ETV6: variants seen among roughly 807,000 people sequenced by gnomAD.
The protein encoded by ETV6 is ETS variant transcription factor 6.
ETV6 carries 16 observed loss-of-function variants against 51.1 expected under a neutral mutation model. That is an observed-to-expected ratio of 0.31 (90% CI 0.21 to 0.48). ETV6 has a LOEUF of 0.48. Among genes scored for constraint, ETV6 ranks in the 20% least tolerant of loss-of-function variants. ETV6 has a pLI of 0.99. For missense variants in ETV6, 458 were observed against 594.8 expected, an observed-to-expected ratio of 0.77 and a Z score of 2.39; for synonymous variants, 240 against 224.1, an observed-to-expected ratio of 1.07 and a Z score of -0.64.
intron 2 of ETV6, among the ~76,000 whole-genome samples, chr12:11,800,761 GT>G (rs1177105378): frequency 6.6e-6 from 1 of 152,090 alleles, no homozygotes; most frequent in Non-Finnish European, 1.5e-5. Context: ...AGGGGGACCA[GT>G]TACTCCCCAG....
chr12:11,868,383 C>T (rs1946822349), intron 4 of ETV6, among the ~76,000 whole-genome samples: 1 of 149,828 alleles, frequency 6.7e-6, no homozygotes, highest in Non-Finnish European at 1.5e-5. Context: ...AGTGGTATCT[C>T]TTGGTTAGGA....
chr12:11,883,363 G>C (rs867625687), intron 5 of ETV6, among the ~76,000 whole-genome samples: 1 of 135,518 alleles, frequency 7.4e-6, no homozygotes, highest in South Asian at 2.4e-4. Flanking sequence ...GTGCGATCTC[G>C]ACTTACTGCA....
intron 2 of ETV6, among the ~76,000 whole-genome samples, chr12:11,834,316 T>G (rs1946284523): frequency 6.6e-6 from 1 of 152,174 alleles, no homozygotes. Flanking sequence ...AGGCTTCAGC[T>G]TCCATCTTTC....
rs1451610469 is a variant in ETV6, at chr12:11,883,297, T to C, written c.1010-1148T>C. 5.8e-4 allele frequency among the ~76,000 whole-genome samples: 77 copies of C among 133,156 alleles called. 4 individuals are homozygous for C. Among genetic ancestry groups the C allele is most frequent in the African/African-American group, 1.6e-3 (53 of 33,434 alleles). 87.4% of individuals were successfully genotyped at this position (133,156 alleles called of 152,430 possible). On this transcript the variant is annotated intron_variant, in intron 5 of 7. Transcript: ENST00000396373. ...TCTTCTTTTTTTTTTTTTTTTTTTT[T>C]TTTTTTTTTTTTTTGAGACTGAGTC...
intron 1 of ETV6, among the ~76,000 whole-genome samples, chr12:11,674,816 C>T (rs931091900): frequency 6.6e-6 from 1 of 152,044 alleles, no homozygotes; most frequent in Non-Finnish European, 1.5e-5. Flanking sequence ...TCTCTCACTG[C>T]CCCAGGAGCG....
At chr12:11,853,988 A>G (rs777016444) in intron 4 of ETV6, among the ~76,000 whole-genome samples, 2 of 152,208 alleles carry the variant, frequency 1.3e-5, no homozygotes, top group Non-Finnish European at 2.9e-5. Flanking sequence ...CAAGTGCATT[A>G]CATTTATTCT....
intron 1 of ETV6, among the ~76,000 whole-genome samples, chr12:11,745,779 T>C (rs1405871466): frequency 1.3e-5 from 2 of 152,216 alleles, no homozygotes; most frequent in African/African-American, 4.8e-5. Context: ...ACAAGGGAAA[T>C]GTCTTCCGTT....
chr12:11,678,697 A>G (rs1280495381), intron 1 of ETV6, among the ~76,000 whole-genome samples: 3 of 152,238 alleles, frequency 2.0e-5, no homozygotes, highest in Non-Finnish European at 4.4e-5. Context: ...GAGAAGTCCC[A>G]TGATCTGCCA....
intron 4 of ETV6, among the ~76,000 whole-genome samples, chr12:11,861,633 T>C (rs1946719448): frequency 6.6e-6 from 1 of 152,092 alleles, no homozygotes; most frequent in Admixed American, 6.5e-5. Flanking sequence ...TGAATGACTC[T>C]CACAAGACAG....
intron 2 of ETV6, among the ~76,000 whole-genome samples, chr12:11,836,972 A>G (rs1946325715): frequency 6.6e-6 from 1 of 152,158 alleles, no homozygotes; most frequent in Non-Finnish European, 1.5e-5. Context: ...ATAATAACAA[A>G]TCGCAGCGCC....
At chr12:11,870,389 G>T (rs147951791) in intron 5 of ETV6, among the ~76,000 whole-genome samples, 4 of 152,080 alleles carry the variant, frequency 2.6e-5, no homozygotes, top group Non-Finnish European at 5.9e-5. Context: ...GAGCGGTAAC[G>T]CCATGCAGCC....
Position 11,874,666 on chromosome 12 carries a change from A to ATG in ETV6, c.1009+4698_1009+4699insGT. ...TATATACACATATGTGTGTATATGT[A>ATG]TATATGTGTGTATATATGTATATGT... On this transcript the variant is annotated intron_variant, in intron 5 of 7. Transcript: ENST00000396373. Among the ~76,000 whole-genome samples, 48 of 8,236 alleles carry ATG rather than the reference A, an allele frequency of 5.8e-3. 22 individuals are homozygous for ATG. Among genetic ancestry groups the ATG allele is most frequent in the Middle Eastern group, 0.2 (2 of 10 alleles). The allele number at this position is 8,236 out of a possible 152,430, so 5.4% of individuals were successfully genotyped here. A position where few individuals can be genotyped will look rare whatever the true frequency, so the allele number is the denominator to read the frequency against.
At chr12:11,761,747 C>T (rs949331912) in intron 2 of ETV6, among the ~76,000 whole-genome samples, 8 of 152,210 alleles carry the variant, frequency 5.3e-5, no homozygotes, top group Non-Finnish European at 1.0e-4. Context: ...GTCATCCCAG[C>T]AGTTCATTCC....
chr12:11,755,309 A>G (rs1488007996), intron 2 of ETV6, among the ~76,000 whole-genome samples: 1 of 152,178 alleles, frequency 6.6e-6, no homozygotes. Flanking sequence ...TTTCCATTTC[A>G]TCAGTAGTTA....
intron 1 of ETV6, among the ~76,000 whole-genome samples, chr12:11,734,569 A>G (rs1459988460): frequency 6.6e-6 from 1 of 151,620 alleles, no homozygotes; most frequent in African/African-American, 2.4e-5. Flanking sequence ...CCATATCTGT[A>G]TGTCTATACA....
chr12:11,709,222 C>T (rs1478921501), intron 1 of ETV6, among the ~76,000 whole-genome samples: 1 of 152,152 alleles, frequency 6.6e-6, no homozygotes, highest in Non-Finnish European at 1.5e-5. Context: ...TACCTATATA[C>T]CTCTACCTTC....
At chr12:11,760,555 A>G (rs1474336281) in intron 2 of ETV6, among the ~76,000 whole-genome samples, 1 of 152,144 alleles carries the variant, frequency 6.6e-6, no homozygotes, top group Non-Finnish European at 1.5e-5. Context: ...ATACTTTTTT[A>G]AAAGCACCTA....
chr12:11,774,211 G>A (rs987617480), intron 2 of ETV6, among the ~76,000 whole-genome samples: 2 of 152,188 alleles, frequency 1.3e-5, no homozygotes, highest in South Asian at 2.1e-4. Flanking sequence ...AAAGGAGGGC[G>A]AGTTGAGAAG....
chr12:11,684,862 A>G (rs1406179381), intron 1 of ETV6, among the ~76,000 whole-genome samples: 1 of 152,264 alleles, frequency 6.6e-6, no homozygotes, highest in African/African-American at 2.4e-5. Context: ...CCAAGAGCCA[A>G]TATTCTAACG....
Sources: gnomAD v4.1 joint callset for allele counts (sites outside exome capture counted in the v4.1 genomes callset) on GRCh38, gnomAD v4.1.1 for gene constraint, MANE v1.5 for transcripts, NCBI Gene and HGNC (gene_info 2026-07-23, HGNC 2026-07-21) for gene names.